The following PPARD variants were observed in gnomAD, a reference collection of about 807,000 sequenced individuals.
The protein encoded by PPARD is peroxisome proliferator activated receptor delta.
A neutral mutation model predicts 39.5 loss-of-function variants in PPARD; 6 were observed. The observed-to-expected ratio is 0.15, with a 90% CI of 0.08 to 0.30. The LOEUF (loss-of-function observed/expected upper bound fraction) is 0.30. Ranked by LOEUF, PPARD falls within the 10% of genes least tolerant of loss-of-function variation. PPARD has a pLI of 1.00. For synonymous variants in PPARD, 210 were observed against 231.3 expected, an observed-to-expected ratio of 0.91 and a Z score of 0.83; for missense variants, 397 against 596.8, an observed-to-expected ratio of 0.67 and a Z score of 3.49.
chr6:35,382,793 C>T (rs1455419337), intron 2 of PPARD, among the ~76,000 whole-genome samples: 1 of 152,222 alleles, frequency 6.6e-6, no homozygotes, highest in Non-Finnish European at 1.5e-5. Flanking sequence ...ACCATCCTAT[C>T]CTCAGTTTCT....
At chr6:35,405,631 G>A (rs1246237752) in intron 2 of PPARD, among the ~76,000 whole-genome samples, 1 of 151,644 alleles carries the variant, frequency 6.6e-6, no homozygotes, top group Non-Finnish European at 1.5e-5. Flanking sequence ...GCTGTATTGT[G>A]GTTGTTGTTG....
At chr6:35,402,951 A>T (rs2267666) in intron 2 of PPARD, among the ~76,000 whole-genome samples, 99,512 of 152,098 alleles carry the variant, frequency 0.65, 35,035 homozygotes, top group South Asian at 0.79. Flanking sequence ...TTGTATCCAG[A>T]GGCTGCCCCT....
intron 2 of PPARD, among the ~76,000 whole-genome samples, chr6:35,378,079 G>T (rs1480510244): frequency 2.0e-5 from 3 of 151,824 alleles, no homozygotes; most frequent in African/African-American, 4.8e-5. Context: ...GGCCAGGATG[G>T]TCTCCATCTC....
chr6:35,350,076 T>A (rs1048416466), intron 2 of PPARD, among the ~76,000 whole-genome samples: 1 of 152,212 alleles, frequency 6.6e-6, no homozygotes, highest in South Asian at 2.1e-4. Flanking sequence ...TCTATTAAAA[T>A]CTTTTGCCCA....
chr6:35,360,391 C>T (rs567356196), intron 2 of PPARD, among the ~76,000 whole-genome samples: 4 of 152,312 alleles, frequency 2.6e-5, no homozygotes, highest in Middle Eastern at 3.4e-3. Context: ...TTAGGCCAGT[C>T]GTTACCCCAC....
chr6:35,413,050 AC>A (rs1336633912), intron 3 of PPARD, among the ~76,000 whole-genome samples: 1 of 152,190 alleles, frequency 6.6e-6, no homozygotes, highest in Non-Finnish European at 1.5e-5. Flanking sequence ...GCCGTGGCCC[AC>A]CTCATCCCCA....
chr6:35,423,255 A>G (rs562673789), intron 5 of PPARD, among the ~76,000 whole-genome samples: 4 of 151,634 alleles, frequency 2.6e-5, no homozygotes, highest in South Asian at 4.2e-4. Flanking sequence ...AAGGCTGGGC[A>G]TGGTGGCACA....
chr6:35,412,275 C>G lies in PPARD; in HGVS notation c.130+1058C>G, dbSNP rs2150785637. 6.6e-6 allele frequency among the ~76,000 whole-genome samples: 1 copy of G among 152,262 alleles called. No individual in the cohort carries two copies. Among genetic ancestry groups the G allele is most frequent in the East Asian group, 1.9e-4 (1 of 5,182 alleles). On this transcript the variant is annotated intron_variant, in intron 3 of 7. Transcript: ENST00000360694. The surrounding 1 kb of genome is among the most constrained non-coding windows in gnomAD (Gnocchi z 4.1). Reference sequence around the variant, plus strand: ...TTTCTCCCACCACTTCTCTCCTTACCCAAGTGCTGCAGGCCTGCACATGCA... The same window carrying G: ...TTTCTCCCACCACTTCTCTCCTTACGCAAGTGCTGCAGGCCTGCACATGCA...
chr6:35,356,544 G>C (rs1485045358), intron 2 of PPARD, among the ~76,000 whole-genome samples: 1 of 152,164 alleles, frequency 6.6e-6, no homozygotes, highest in African/African-American at 2.4e-5. Flanking sequence ...CCTAGTTCCT[G>C]TTCCTCTGGT....
intron 2 of PPARD, among the ~76,000 whole-genome samples, chr6:35,378,560 A>G (rs1453676926): frequency 6.6e-6 from 1 of 152,114 alleles, no homozygotes; most frequent in East Asian, 1.9e-4. Context: ...CCCTTCCCAA[A>G]CTCAGCGTCT....
intron 2 of PPARD, among the ~76,000 whole-genome samples, chr6:35,398,438 A>G (rs1380253552): frequency 6.6e-6 from 1 of 152,140 alleles, no homozygotes; most frequent in Non-Finnish European, 1.5e-5. Flanking sequence ...GGGGAAGGTA[A>G]AGGGCTCGGT....
intron 2 of PPARD, among the ~76,000 whole-genome samples, chr6:35,349,845 G>A (rs1312107438): frequency 6.6e-6 from 1 of 151,812 alleles, no homozygotes; most frequent in African/African-American, 2.4e-5. Flanking sequence ...GGGTTCAAGC[G>A]ATTCTCCTGC....
chr6:35,358,985 A>T (rs1252072862), intron 2 of PPARD, among the ~76,000 whole-genome samples: 1 of 152,010 alleles, frequency 6.6e-6, no homozygotes, highest in East Asian at 1.9e-4. Flanking sequence ...AGCAGAAAGG[A>T]GGGTAGTGGC....
At chr6:35,381,562 A>G (rs535602619) in intron 2 of PPARD, among the ~76,000 whole-genome samples, 32 of 152,174 alleles carry the variant, frequency 2.1e-4, no homozygotes, top group African/African-American at 7.0e-4. Flanking sequence ...GGGAGCCCCA[A>G]CCATCATGTC....
intron 1 of PPARD, among the ~76,000 whole-genome samples, chr6:35,344,259 A>G (rs1399683899): frequency 6.6e-6 from 1 of 151,888 alleles, no homozygotes; most frequent in Non-Finnish European, 1.5e-5. Flanking sequence ...TTTCCTCTGT[A>G]TCCAGGAGGA....
intron 2 of PPARD, among the ~76,000 whole-genome samples, chr6:35,388,045 GC>G (rs1763781409): frequency 6.8e-6 from 1 of 147,246 alleles, no homozygotes; most frequent in African/African-American, 2.5e-5. Flanking sequence ...TTTTTTTAAA[GC>G]TTTTTTGTTG....
At chr6:35,411,727 ATAT>A (rs1765441329) in intron 3 of PPARD, among the ~76,000 whole-genome samples, 1 of 152,192 alleles carries the variant, frequency 6.6e-6, no homozygotes, top group Non-Finnish European at 1.5e-5. Context: ...AACTCAACTA[ATAT>A]TATTTTTATG....
intron 2 of PPARD, among the ~76,000 whole-genome samples, chr6:35,364,817 C>T (rs1294062274): frequency 2.7e-5 from 4 of 150,842 alleles, no homozygotes; most frequent in Non-Finnish European, 4.4e-5. Flanking sequence ...TCAAGTGATT[C>T]TTCTGCCTCA....
chr6:35,414,645 C>G (rs986249189), intron 3 of PPARD, among the ~76,000 whole-genome samples: 1 of 152,152 alleles, frequency 6.6e-6, no homozygotes, highest in Admixed American at 6.5e-5. Context: ...TCCTACCCAG[C>G]CTGAGGGCCA....
Sources: gnomAD v4.1 joint callset for allele counts (sites outside exome capture counted in the v4.1 genomes callset) on GRCh38, gnomAD v4.1.1 for gene constraint, Gnocchi (gnomAD v3.1) non-coding constraint, MANE v1.5 for transcripts, NCBI Gene and HGNC (gene_info 2026-07-23, HGNC 2026-07-21) for gene names.